The following PCDHGB4 variants were observed in gnomAD, a reference collection of about 807,000 sequenced individuals.
PCDHGB4 encodes protocadherin gamma subfamily B, 4.
PCDHGB4 carries 38 observed loss-of-function variants against 60.5 expected under a neutral mutation model. That is an observed-to-expected ratio of 0.63 (90% CI 0.48 to 0.82). PCDHGB4 has a LOEUF of 0.82. PCDHGB4 is among the 40% of genes least tolerant of loss of function. PCDHGB4 has a pLI of 0.00. For synonymous variants in PCDHGB4, 456 were observed against 509.7 expected (o/e 0.89, Z 1.42); for missense variants, 1,109 against 1,209.6 (o/e 0.92, Z 1.23).
intron 1 of PCDHGB4, chr5:141,398,503 A>G (rs2093664041): frequency 1.9e-6 from 3 of 1,601,316 alleles, no homozygotes; most frequent in Non-Finnish European, 1.7e-6. Flanking sequence ...GATCGAGGAC[A>G]TTAATGACCA....
intron 1 of PCDHGB4, chr5:141,430,569 G>A (rs1252716330): frequency 4.5e-6 from 2 of 439,930 alleles, no homozygotes; most frequent in African/African-American, 4.1e-5. Flanking sequence ...GGAGAGAAAA[G>A]CGGAGATCCT....
chr5:141,393,676 A>G (rs767754951), intron 1 of PCDHGB4: 2 of 1,613,954 alleles, frequency 1.2e-6, no homozygotes, highest in South Asian at 1.1e-5. Flanking sequence ...AATGAAAAAC[A>G]AACTCCGTTA....
intron 2 of PCDHGB4, among the ~76,000 whole-genome samples, chr5:141,505,177 A>G (rs917485235): frequency 6.6e-6 from 1 of 152,180 alleles, no homozygotes; most frequent in East Asian, 1.9e-4. Flanking sequence ...AAAAGAAAAA[A>G]GCATCGGAGG....
At chr5:141,417,706 A>T in intron 1 of PCDHGB4, 1 of 1,214,910 alleles carries the variant, frequency 8.2e-7, no homozygotes, top group Non-Finnish European at 1.1e-6. Flanking sequence ...TCCCACACAG[A>T]GGCTCCCGGC....
In PCDHGB4 at chr5:141,388,621, T is replaced by C. The variant is rs2091422595; in HGVS notation, c.737T>C (p.Val246Ala). 1 of 1,613,806 alleles carries C rather than the reference T, an allele frequency of 6.2e-7. No individual in the cohort carries two copies. The highest frequency in any genetic ancestry group is 1.3e-5 in the African/African-American group (1 of 74,896). The part of the protein sequence containing the change: ...NDNAPVFSQD[V>A]YRVSLSENVY... ...AATGCTCCAGTGTTCAGTCAAGACG[T>C]ATACAGGGTGAGCCTTTCAGAAAAC... is the stretch of plus-strand genomic sequence containing the variant. Residue 246 changes from valine (V) to alanine (A), a missense_variant, in exon 1 of 4, where the codon GTA becomes GCA. Around this residue, in one of 2 missense-constraint regions of PCDHGB4, gnomAD observed 1,068 missense variants for 1,089.9 expected, o/e 0.98. Coordinates refer to ENST00000519479, the MANE Select transcript of PCDHGB4 (RefSeq NM_003736.4).
At chr5:141,390,867 CGT>C (rs61319619) in intron 1 of PCDHGB4, 8,912 of 150,888 alleles carry the variant, frequency 0.059, 387 homozygotes, top group African/African-American at 0.12. Context: ...GCTGTGTGTG[CGT>C]GTGTGTGTGT....
chr5:141,393,902 G>A, intron 1 of PCDHGB4: 2 of 1,613,968 alleles, frequency 1.2e-6, no homozygotes, highest in Non-Finnish European at 8.5e-7. Context: ...CTCTTCCCGG[G>A]ACAGTAATTG....
intron 1 of PCDHGB4, among the ~76,000 whole-genome samples, chr5:141,454,195 T>A (rs1295815862): frequency 1.3e-5 from 2 of 152,136 alleles, no homozygotes; most frequent in Admixed American, 1.3e-4. Flanking sequence ...TTAGTGAAGG[T>A]GAATTTATTG....
intron 1 of PCDHGB4, among the ~76,000 whole-genome samples, chr5:141,438,598 AT>A (rs1433028092): frequency 6.7e-5 from 2 of 29,776 alleles, no homozygotes; most frequent in Non-Finnish European, 1.4e-4. Context: ...ATACATATAT[AT>A]ATATATATAT....
At chr5:141,436,214 A>G (rs1242199916) in intron 1 of PCDHGB4, among the ~76,000 whole-genome samples, 5 of 152,160 alleles carry the variant, frequency 3.3e-5, no homozygotes, top group African/African-American at 7.2e-5. Context: ...AGGAAAACAA[A>G]TGACTTGGGA....
At chr5:141,424,547 T>A (rs1484479408) in intron 1 of PCDHGB4, 2 of 152,238 alleles carry the variant, frequency 1.3e-5, no homozygotes, top group African/African-American at 4.8e-5. Flanking sequence ...AACTTGATTT[T>A]GATTCAGTGC....
rs538105673 is a variant in PCDHGB4, at chr5:141,427,796, C to T, written c.2397+37515C>T. On this transcript the variant is annotated intron_variant, in intron 1 of 3. Transcript: ENST00000519479. Reference sequence around the variant, plus strand: ...TGCGGGCACTGTCGTCCTACGTGTCCGTGAGCGCACAGAGCGGGGTGGTGG... The same window carrying T: ...TGCGGGCACTGTCGTCCTACGTGTCTGTGAGCGCACAGAGCGGGGTGGTGG... The T allele has an allele frequency of 3.6e-4, 547 of 1,502,104 alleles. 5 individuals carry two copies. In the South Asian group the frequency reaches 5.9e-3, roughly 16 times the overall value. The allele number at this position is 1,502,104 out of a possible 1,614,324, so 93.0% of individuals were successfully genotyped here.
chr5:141,474,710 A>T (rs535069070), intron 1 of PCDHGB4, among the ~76,000 whole-genome samples: 31 of 152,330 alleles, frequency 2.0e-4, no homozygotes, highest in African/African-American at 6.3e-4. Context: ...GTTCTATTAT[A>T]CTTCAAAAGG....
chr5:141,421,433 C>T, intron 1 of PCDHGB4: 1 of 1,614,074 alleles, frequency 6.2e-7, no homozygotes, highest in African/African-American at 1.3e-5. Flanking sequence ...CGCATCGTCT[C>T]CAGAGGGAAG....
chr5:141,459,548 C>G (rs980305784), intron 1 of PCDHGB4, among the ~76,000 whole-genome samples: 2 of 152,036 alleles, frequency 1.3e-5, no homozygotes, highest in African/African-American at 4.8e-5. Flanking sequence ...TTTTATTTCT[C>G]TTGGATAAAT....
At chr5:141,452,472 A>C (rs995927368) in intron 1 of PCDHGB4, among the ~76,000 whole-genome samples, 6 of 152,170 alleles carry the variant, frequency 3.9e-5, no homozygotes, top group Non-Finnish European at 8.8e-5. Flanking sequence ...AGCTAGGAAA[A>C]ACACACATAA....
At chr5:141,507,003 G>A (rs569257489) in intron 3 of PCDHGB4, 3 of 152,342 alleles carry the variant, frequency 2.0e-5, no homozygotes, top group African/African-American at 7.2e-5. Context: ...CGACAGATGA[G>A]AGAACCGAGA....
intron 1 of PCDHGB4, among the ~76,000 whole-genome samples, chr5:141,450,666 T>G (rs1434496607): frequency 6.6e-6 from 1 of 151,890 alleles, no homozygotes; most frequent in African/African-American, 2.4e-5. Context: ...TTTGTACTTT[T>G]AGTAGAAACG....
intron 1 of PCDHGB4, 72 bp from the exon 2 acceptor site, chr5:141,494,735 A>C: frequency 6.2e-7 from 1 of 1,610,712 alleles, no homozygotes; most frequent in Middle Eastern, 1.7e-4. Context: ...CTCCCGGCCC[A>C]TCCCTAGGGG....
Sources: gnomAD v4.1 joint callset for allele counts (sites outside exome capture counted in the v4.1 genomes callset) on GRCh38, gnomAD v4.1.1 for gene constraint, gnomAD v4.1.1 regional missense constraint, MANE v1.5 for transcripts, NCBI Gene and HGNC (gene_info 2026-07-23, HGNC 2026-07-21) for gene names.